Variants in SLC10A7 observed in about 807,000 individuals in gnomAD.
SLC10A7 encodes solute carrier family 10 member 7.
SLC10A7 carries 29 observed loss-of-function variants against 43.2 expected under a neutral mutation model. The observed-to-expected ratio is 0.67, with a 90% CI of 0.50 to 0.92. The LOEUF (loss-of-function observed/expected upper bound fraction) is 0.92, where lower values mean the gene tolerates loss of function less well. Ranked by LOEUF, SLC10A7 falls within the 40% of genes least tolerant of loss-of-function variation. The probability of loss-of-function intolerance (pLI) is 0.00; values close to 1 mark genes in which losing one functional copy is unlikely to be tolerated. For synonymous variants in SLC10A7, 152 were observed against 144.8 expected, an observed-to-expected ratio of 1.05 and a Z score of -0.35; for missense variants, 295 against 403.2, an observed-to-expected ratio of 0.73 and a Z score of 2.30.
At chr4:146,450,281 C>A (rs1560920127) in intron 4 of SLC10A7, among the ~76,000 whole-genome samples, 1 of 152,070 alleles carries the variant, frequency 6.6e-6, no homozygotes, top group Non-Finnish European at 1.5e-5. Flanking sequence ...ATCCAGTGTA[C>A]AACTTCTTAC....
At chr4:146,461,182 TTAA>T (rs1732497044) in intron 4 of SLC10A7, among the ~76,000 whole-genome samples, 1 of 152,036 alleles carries the variant, frequency 6.6e-6, no homozygotes, top group Non-Finnish European at 1.5e-5. Flanking sequence ...GGATTTCATA[TTAA>T]ATAAACTGTT....
chr4:146,256,792 C>A (rs1727915450), intron 11 of SLC10A7: 1 of 1,452,760 alleles, frequency 6.9e-7, no homozygotes. Context: ...TCAATCAGTA[C>A]TGTGTGCAAA....
At chr4:146,392,840 C>T (rs1452436123) in intron 5 of SLC10A7, among the ~76,000 whole-genome samples, 1 of 152,042 alleles carries the variant, frequency 6.6e-6, no homozygotes, top group Non-Finnish European at 1.5e-5. Flanking sequence ...TAACAAAACC[C>T]ACAAGACACT....
Position 146,294,015 on chromosome 4 carries a change from C to T in SLC10A7, c.636G>A (p.Met212Ile), listed in dbSNP as rs1730616098. ...FGAISSSVLLMIIYTTFCDTF... is the reference protein window; with the variant it reads ...FGAISSSVLLIIIYTTFCDTF... ...TGTCACAGAATGTTGTGTAGATGATCATGAGGAGTACACTGCTGCTGATAG... is the reference window on the plus strand; with the variant it reads ...TGTCACAGAATGTTGTGTAGATGATTATGAGGAGTACACTGCTGCTGATAG... Residue 212 changes from methionine (M) to isoleucine (I), a missense_variant, in exon 8 of 12, where the codon ATG (methionine) becomes ATA (isoleucine). Met to Ile is a conservative substitution (Grantham distance 10, BLOSUM62 1). Transcript: ENST00000335472. 1.2e-6 allele frequency: 2 copies of T among 1,612,696 alleles called. No homozygotes were observed. Among genetic ancestry groups the T allele is most frequent in the Non-Finnish European group, 1.7e-6 (2 of 1,179,170 alleles).
rs1211507813 is a variant in SLC10A7 at position 146,370,914 on chromosome 4, A to G, written c.436-44918T>C. 5.9e-5 allele frequency among the ~76,000 whole-genome samples: 9 copies of G among 152,202 alleles called. No individual in the cohort carries two copies. In the South Asian group the frequency reaches 1.9e-3, roughly 32 times the overall value. ...TGACTTGAGATATAATCTGTACACT[A>G]TGAAGAAGGAGAAAGTAAAGTTAAC... is the stretch of plus-strand genomic sequence containing the variant. On this transcript the variant is annotated intron_variant, in intron 5 of 11. Transcript: ENST00000335472.
chr4:146,335,240 C>T (rs1020445644), intron 5 of SLC10A7, among the ~76,000 whole-genome samples: 5 of 118,466 alleles, frequency 4.2e-5, no homozygotes, highest in Non-Finnish European at 4.9e-5. Flanking sequence ...AAAGTGTTGC[C>T]ACAGATGTTG....
At chr4:146,466,558 T>G (rs1020089918) in intron 4 of SLC10A7, among the ~76,000 whole-genome samples, 1 of 152,196 alleles carries the variant, frequency 6.6e-6, no homozygotes, top group East Asian at 1.9e-4. Context: ...GGGGACAAAA[T>G]CTGTTTTTCT....
At chr4:146,430,866 T>C (rs916519839) in intron 5 of SLC10A7, among the ~76,000 whole-genome samples, 57 of 152,250 alleles carry the variant, frequency 3.7e-4, no homozygotes, top group Non-Finnish European at 7.4e-4. Flanking sequence ...TTTTTTCCCC[T>C]GATCAGTGCA....
At chr4:146,333,865 T>C (rs1733703178) in intron 5 of SLC10A7, among the ~76,000 whole-genome samples, 1 of 151,658 alleles carries the variant, frequency 6.6e-6, no homozygotes, top group Non-Finnish European at 1.5e-5. Flanking sequence ...AAGCAGAAGA[T>C]TAGAGTGAGG....
rs73852862 is a variant in SLC10A7 at position 146,471,705 on chromosome 4, T to C, written c.397-28884A>G. Among the ~76,000 whole-genome samples the C allele has an allele frequency of 6.6e-3, 1,008 of 152,350 alleles. 16 individuals carry two copies. The highest frequency in any genetic ancestry group is 0.023 in the African/African-American group (953 of 41,596). On this transcript the variant is annotated intron_variant, in intron 4 of 11. Coordinates refer to ENST00000335472, the MANE Select transcript of SLC10A7 (RefSeq NM_001029998.6). ...TCTATGTCACACCAAATTATTTATA[T>C]GCTTTATCTTTCCATTTAAAATTCA... is the stretch of plus-strand genomic sequence containing the variant.
chr4:146,444,784 C>T (rs549951309), intron 4 of SLC10A7, among the ~76,000 whole-genome samples: 6 of 152,162 alleles, frequency 3.9e-5, no homozygotes, highest in African/African-American at 9.6e-5. Context: ...CAGTGAGCTC[C>T]GTCAATCTTT....
chr4:146,476,304 T>A (rs1313221024), intron 4 of SLC10A7, among the ~76,000 whole-genome samples: 1 of 152,112 alleles, frequency 6.6e-6, no homozygotes, highest in Non-Finnish European at 1.5e-5. Context: ...CACAAAGAGA[T>A]GATAGGTGCA....
chr4:146,264,855 A>G (rs994256624), intron 10 of SLC10A7, among the ~76,000 whole-genome samples: 9 of 152,132 alleles, frequency 5.9e-5, no homozygotes, highest in African/African-American at 2.2e-4. Flanking sequence ...TTTCACTGCC[A>G]TCTTCCTAAT....
intron 10 of SLC10A7, among the ~76,000 whole-genome samples, chr4:146,281,991 A>C (rs933635357): frequency 6.6e-6 from 1 of 152,254 alleles, no homozygotes; most frequent in East Asian, 1.9e-4. Flanking sequence ...TTTAGACTTT[A>C]ATCTTTACAA....
chr4:146,293,943 G>A lies in SLC10A7; in HGVS notation c.708C>T (p.Leu236=), dbSNP rs1458564791. ...TTTCCAACTTACTTATGAACAGTAT[G>A]AGAACAAGGCTGAATTTATCCAGGT... ...NIDLDKFSLV[L]ILFIIFSIQL... is the part of the protein sequence containing the mutation. Residue 236 remains leucine (L), a synonymous_variant, in exon 8 of 12, where the codon CTC becomes CTT. Transcript: ENST00000335472. 1.2e-6 allele frequency: 2 copies of A among 1,612,026 alleles called. No individual in the cohort carries two copies. Among genetic ancestry groups the A allele is most frequent in the East Asian group, 2.2e-5 (1 of 44,844 alleles).
Position 146,325,975 on chromosome 4 carries a change from G to A in SLC10A7, c.457C>T (p.Leu153Phe). Reference protein sequence around the residue: ...SFLGIVITPLLLLLFLGSSSS... With the variant: ...SFLGIVITPLFLLLFLGSSSS... Reference sequence around the variant, plus strand: ...AAAATACTCACAAAAAGCAGCAGGAGCAGGGGTGTTATAACGATGCCCTGA... The same window carrying A: ...AAAATACTCACAAAAAGCAGCAGGAACAGGGGTGTTATAACGATGCCCTGA... The change falls in exon 6 of 12, where the codon CTC becomes TTC. Residue 153 changes from leucine (L) to phenylalanine (F), a missense_variant. Around this residue, in one of 2 missense-constraint regions of SLC10A7, gnomAD observed 242 missense variants for 362.5 expected, o/e 0.67. Coordinates refer to ENST00000335472, the MANE Select transcript of SLC10A7 (RefSeq NM_001029998.6). 1.2e-6 allele frequency: 2 copies of A among 1,612,256 alleles called. No individual in the cohort carries two copies. The highest frequency in any genetic ancestry group is 2.2e-5 in the East Asian group (1 of 44,836).
At chr4:146,412,809 T>C (rs1411783628) in intron 5 of SLC10A7, among the ~76,000 whole-genome samples, 1 of 152,088 alleles carries the variant, frequency 6.6e-6, no homozygotes, top group Non-Finnish European at 1.5e-5. Flanking sequence ...TGTTCTTACT[T>C]ACTCTGCTTA....
chr4:146,276,611 C>A (rs1418474466), intron 10 of SLC10A7, among the ~76,000 whole-genome samples: 1 of 152,028 alleles, frequency 6.6e-6, no homozygotes, highest in Non-Finnish European at 1.5e-5. Context: ...CACTTTAAGT[C>A]TTAATTTAGC....
intron 1 of SLC10A7, among the ~76,000 whole-genome samples, 160 bp downstream of exon 1, chr4:146,521,458 G>A (rs1002327973): frequency 2.6e-5 from 4 of 152,218 alleles, no homozygotes. Flanking sequence ...AGTTCCCTCT[G>A]GGGTTGGTAA....
Sources: gnomAD v4.1 joint callset for allele counts (sites outside exome capture counted in the v4.1 genomes callset) on GRCh38, gnomAD v4.1.1 for gene constraint, gnomAD v4.1.1 regional missense constraint, MANE v1.5 for transcripts, NCBI Gene and HGNC (gene_info 2026-07-23, HGNC 2026-07-21) for gene names.